MARK1: variants seen among roughly 807,000 people sequenced by gnomAD.
MARK1 encodes serine/threonine-protein kinase MARK1.
MARK1 carries 40 observed loss-of-function variants against 96.3 expected under a neutral mutation model. The ratio of observed to expected loss-of-function variants is 0.42; its 90% CI spans 0.32 to 0.54. The LOEUF (loss-of-function observed/expected upper bound fraction) is 0.54. MARK1 is among the 20% of genes least tolerant of loss of function. The probability of loss-of-function intolerance (pLI) is 0.16; values close to 1 mark genes in which losing one functional copy is unlikely to be tolerated. For synonymous variants in MARK1, 317 were observed against 341.2 expected, an observed-to-expected ratio of 0.93 and a Z score of 0.78; for missense variants, 719 against 984.6, an observed-to-expected ratio of 0.73 and a Z score of 3.61.
intron 9 of MARK1, chr1:220,626,437 A>G: frequency 3.7e-6 from 2 of 543,892 alleles, no homozygotes; most frequent in Non-Finnish European, 7.5e-6. Context: ...GATTGACGAC[A>G]AGTCCTATGA....
At chr1:220,537,380 TTTCCAG>T in intron 1 of MARK1, among the ~76,000 whole-genome samples, 1 of 151,886 alleles carries the variant, frequency 6.6e-6, no homozygotes, top group East Asian at 1.9e-4. Context: ...AGAATGATGA[TTTCCAG>T]TTCATCCATG....
At chr1:220,579,262 A>C in intron 1 of MARK1, 92 bp from the exon 2 acceptor site, 1 of 861,828 alleles carries the variant, frequency 1.2e-6, no homozygotes, top group Middle Eastern at 2.7e-4. Flanking sequence ...TTTTTATTGA[A>C]GAATTGGTAA....
intron 3 of MARK1, among the ~76,000 whole-genome samples, chr1:220,585,798 C>T (rs1158455733): frequency 1.3e-5 from 2 of 152,144 alleles, no homozygotes; most frequent in Non-Finnish European, 2.9e-5. Context: ...TTACCTGAAA[C>T]ATTACCTAAT....
chr1:220,623,023 G>A (rs1667130535), intron 9 of MARK1, among the ~76,000 whole-genome samples: 2 of 152,120 alleles, frequency 1.3e-5, no homozygotes, highest in African/African-American at 4.8e-5. Context: ...CATTGGCACT[G>A]ATGGCTAGAG....
In MARK1 at chr1:220,638,980, A is replaced by G. The variant is rs200020127; in HGVS notation, c.1470+2954A>G. On this transcript the variant is annotated intron_variant, in intron 13 of 17. Transcript: ENST00000366917. ...AAACATAGGCTGGGTGCAGTGGCTC[A>G]TGACTGTAATCCCAGCACTTTTGCA... Among the ~76,000 whole-genome samples the G allele has an allele frequency of 5.3e-5, 8 of 152,296 alleles. No homozygotes were observed. In the East Asian group the frequency reaches 1.5e-3, roughly 29 times the overall value.
intron 1 of MARK1, among the ~76,000 whole-genome samples, chr1:220,556,503 A>AC (rs142932228): frequency 0.16 from 23,075 of 142,490 alleles, 2,315 homozygotes; most frequent in East Asian, 0.32. Flanking sequence ...AAAAAAAAAA[A>AC]AAACAAATTA....
chr1:220,595,897 G>T (rs1344665492), intron 3 of MARK1, among the ~76,000 whole-genome samples: 1 of 152,166 alleles, frequency 6.6e-6, no homozygotes, highest in Non-Finnish European at 1.5e-5. Flanking sequence ...ATGCATCGAT[G>T]TAGAAATTTC....
chr1:220,660,165 G>A (rs142945347), intron 17 of MARK1, among the ~76,000 whole-genome samples: 2,215 of 152,266 alleles, frequency 0.015, 30 homozygotes, highest in Middle Eastern at 0.044. Flanking sequence ...CCAGGATGCC[G>A]ATTCCACCAG....
At chr1:220,629,372 G>A (rs1233005408) in intron 9 of MARK1, among the ~76,000 whole-genome samples, 1 of 144,712 alleles carries the variant, frequency 6.9e-6, no homozygotes, top group African/African-American at 2.6e-5. Context: ...TTTTTTTGGT[G>A]GTGGTGGTGG....
chr1:220,555,312 G>T (rs1382551540), intron 1 of MARK1, among the ~76,000 whole-genome samples: 1 of 152,156 alleles, frequency 6.6e-6, no homozygotes, highest in East Asian at 1.9e-4. Context: ...TAATTGTAAT[G>T]AAAATAATCA....
Position 220,576,010 on chromosome 1 carries a change from T to TCCCTCC in MARK1, c.52-3342_52-3337dup, listed in dbSNP as rs1343945649. Among the ~76,000 whole-genome samples, 3 of 23,696 alleles carry TCCCTCC rather than the reference T, an allele frequency of 1.3e-4. No individual in the cohort carries two copies. The Non-Finnish European group carries it at 1.4e-3, about 11-fold the overall frequency. 15.5% of individuals were successfully genotyped at this position (23,696 alleles called of 152,430 possible). ...AGCTCCTTTTTTTTTCTTCTCTCCC[T>TCCCTCC]CCCTCCCTCATCCTTTCTTTTCAGA... On this transcript the variant is annotated intron_variant, in intron 1 of 17. Coordinates refer to ENST00000366917, the MANE Select transcript of MARK1 (RefSeq NM_018650.5).
At chr1:220,597,141 G>C (rs770474340) in intron 3 of MARK1, among the ~76,000 whole-genome samples, 2 of 152,018 alleles carry the variant, frequency 1.3e-5, no homozygotes, top group African/African-American at 4.8e-5. Flanking sequence ...TCTGGTTGCG[G>C]GGCTATTGTG....
At position 220,661,248 on chromosome 1, in the gene MARK1, T is replaced by C. The variant is rs372565718; in HGVS notation, c.2034-564T>C. On this transcript the variant is annotated intron_variant, in intron 17 of 17. Coordinates refer to ENST00000366917, the MANE Select transcript of MARK1 (RefSeq NM_018650.5). ...AAGTCATGGGGAACGTTGTAGACTG[T>C]TTTAAGGATGTCTTTAGTGAAATGA... 5.3e-5 allele frequency among the ~76,000 whole-genome samples: 8 copies of C among 152,228 alleles called. No homozygotes were observed. In the East Asian group the frequency reaches 1.4e-3, roughly 26 times the overall value.
intron 1 of MARK1, among the ~76,000 whole-genome samples, chr1:220,573,553 G>C (rs1232378717): frequency 1.3e-5 from 2 of 152,028 alleles, no homozygotes; most frequent in African/African-American, 4.8e-5. Context: ...TCGATCTCCT[G>C]ACCTCGTGAT....
At chr1:220,531,383 CACTA>C (rs754471005) in intron 1 of MARK1, among the ~76,000 whole-genome samples, 1 of 152,130 alleles carries the variant, frequency 6.6e-6, no homozygotes, top group Non-Finnish European at 1.5e-5. Context: ...ATATCAAGGA[CACTA>C]ACTAAAAACA....
At chr1:220,645,175 A>G (rs1214957539) in intron 13 of MARK1, among the ~76,000 whole-genome samples, 1 of 152,162 alleles carries the variant, frequency 6.6e-6, no homozygotes, top group East Asian at 1.9e-4. Flanking sequence ...CACTAGGTAG[A>G]CTAATAAAGA....
At chr1:220,641,231 G>A (rs551709620) in intron 13 of MARK1, among the ~76,000 whole-genome samples, 115 of 152,186 alleles carry the variant, frequency 7.6e-4, no homozygotes, top group Non-Finnish European at 1.5e-3. Context: ...AGTGCCCCCT[G>A]CACCCTCTGC....
Position 220,662,570 on chromosome 1 carries a change from G to T in MARK1, c.*404G>T. ...TTTTTAAAATTCTTACCTCCATCAT[G>T]CAATTTTGAAAATTGTGTCCAGAAT... is the stretch of plus-strand genomic sequence containing the variant. On this transcript the variant is annotated 3_prime_UTR_variant, in exon 18 of 18. Coordinates refer to ENST00000366917, the MANE Select transcript of MARK1 (RefSeq NM_018650.5). 1 of 162,090 alleles carries T rather than the reference G, an allele frequency of 6.2e-6. No homozygotes were observed. The highest frequency in any genetic ancestry group is 1.4e-5 in the Non-Finnish European group (1 of 73,720). The allele number at this position is 162,090 out of a possible 1,614,324, so 10.0% of individuals were successfully genotyped here.
rs142878582 is a variant in MARK1 at position 220,585,970 on chromosome 1, A to G, written c.309+4852A>G. On this transcript the variant is annotated intron_variant, in intron 3 of 17. Transcript: ENST00000366917. The stretch of plus-strand genomic sequence containing the variant: ...TTCTTGTAGCCTTCCAACTGCATCC[A>G]CTTTACATACGTATACACACACACA... Among the ~76,000 whole-genome samples the G allele has an allele frequency of 2.7e-3, 382 of 143,300 alleles. 4 individuals carry two copies. In the South Asian group the frequency reaches 0.033, roughly 12 times the overall value. The allele number at this position is 143,300 out of a possible 152,430, so 94.0% of individuals were successfully genotyped here. A position where few individuals can be genotyped will look rare whatever the true frequency, so the allele number is the denominator to read the frequency against.
Sources: allele counts gnomAD v4.1 joint callset (sites outside exome capture counted in the v4.1 genomes callset), GRCh38; gene constraint gnomAD v4.1.1; transcripts MANE v1.5; gene names NCBI Gene and HGNC (gene_info 2026-07-23, HGNC 2026-07-21).